Variants in TRMU observed in about 807,000 individuals in gnomAD.
TRMU encodes tRNA mitochondrial 2-thiouridylase, also known as mitochondrial tRNA-specific 2-thiouridylase 1.
A neutral mutation model predicts 46.9 loss-of-function variants in TRMU; 49 were observed. That is an observed-to-expected ratio of 1.05 (90% CI 0.83 to 1.33). TRMU has a LOEUF of 1.33. TRMU is among the 40% of genes most tolerant of loss of function. The pLI is 0.00. For synonymous variants in TRMU, 241 were observed against 200.9 expected (o/e 1.20, Z -1.69); for missense variants, 572 against 532.4 (o/e 1.07, Z -0.73).
At chr22:46,353,633 CG>C (rs2078503639) in intron 7 of TRMU, 133 bp from the exon 8 acceptor site, 1 of 781,566 alleles carries the variant, frequency 1.3e-6, no homozygotes, top group Admixed American at 1.9e-5. Context: ...GTTGGAGAAT[CG>C]TATCTTCCTA....
chr22:46,340,014 C>T (rs1569063448), intron 2 of TRMU, among the ~76,000 whole-genome samples: 1 of 151,392 alleles, frequency 6.6e-6, no homozygotes, highest in Non-Finnish European at 1.5e-5. Context: ...TCAGGAAGTG[C>T]TGTTGCTGGA....
In TRMU at chr22:46,348,317, C is replaced by T. The variant is rs1000926927; in HGVS notation, c.478+1773C>T. On this transcript the variant is annotated intron_variant, in intron 4 of 10. Transcript: ENST00000645190. This position sits in a 1 kb window ranked among gnomAD's most constrained non-coding sequence, Gnocchi z 4.8. ...GCCACGTGCCCTCGGAAACTTGGGACAGTACTGATGCGTTCTGTTGAGTGC... is the reference window on the plus strand; with the variant it reads ...GCCACGTGCCCTCGGAAACTTGGGATAGTACTGATGCGTTCTGTTGAGTGC... Among the ~76,000 whole-genome samples the T allele has an allele frequency of 6.6e-6, 1 of 152,230 alleles. No homozygotes were observed. Among genetic ancestry groups the T allele is most frequent in the Non-Finnish European group, 1.5e-5 (1 of 68,036 alleles).
At position 46,339,685 on chromosome 22, in the gene TRMU, AC is replaced by A. The variant is rs567363005; in HGVS notation, c.248+1742del. On this transcript the variant is annotated intron_variant, in intron 2 of 10. Transcript: ENST00000645190. The surrounding 1 kb of genome is among the most constrained non-coding windows in gnomAD (Gnocchi z 4.8). Reference sequence around the variant, plus strand: ...AAAAAACCATTGAAATAACAATAAAACGAAATTTAGAGAGATTAAGTAAATT... The same window carrying A: ...AAAAAACCATTGAAATAACAATAAAAGAAATTTAGAGAGATTAAGTAAATT... Among the ~76,000 whole-genome samples the A allele has an allele frequency of 2.4e-4, 37 of 152,300 alleles. No homozygotes were observed. Among genetic ancestry groups the A allele is most frequent in the African/African-American group, 8.9e-4 (37 of 41,558 alleles).
At position 46,344,277 on chromosome 22, in the gene TRMU, C is replaced by T. The variant is rs149936855; in HGVS notation, c.355+909C>T. ...TGTCTTTTGTCAGAGCCAGCACAGA[C>T]GGAGCTCACCTTGATGATCATAGAA... is the stretch of plus-strand genomic sequence containing the variant. On this transcript the variant is annotated intron_variant, in intron 3 of 10. Coordinates refer to ENST00000645190, the MANE Select transcript of TRMU (RefSeq NM_018006.5). 1.9e-3 allele frequency among the ~76,000 whole-genome samples: 295 copies of T among 152,256 alleles called. 1 individual carries two copies. The highest frequency in any genetic ancestry group is 6.5e-3 in the African/African-American group (271 of 41,542).
chr22:46,355,873 C>A (rs971335934), intron 9 of TRMU, 117 bp from the exon 10 acceptor site: 10 of 1,228,400 alleles, frequency 8.1e-6, no homozygotes, highest in African/African-American at 3.7e-5. Context: ...GTGCCCTGCC[C>A]TTCCCCTCTA....
Position 46,350,411 on chromosome 22 carries a change from T to C in TRMU, c.599T>C (p.Val200Ala), listed in dbSNP as rs1342731686. Residue 200 changes from valine to alanine, a missense_variant, in exon 5 of 11, where the codon GTA (valine) becomes GCA (alanine). Transcript: ENST00000645190. The surrounding 1 kb of genome is among the most constrained non-coding windows in gnomAD (Gnocchi z 4.6). Reference protein sequence around the residue: ...FPLGGLTKEFVKKIAAENRLH... With the variant: ...FPLGGLTKEFAKKIAAENRLH... ...CTGGGGGGATTAACGAAAGAGTTTG[T>C]AAAGAAAATCGCTGCTGAGAATAGA... is the stretch of plus-strand genomic sequence containing the variant. The C allele has an allele frequency of 6.2e-7, 1 of 1,614,100 alleles. No individual in the cohort carries two copies. The highest frequency in any genetic ancestry group is 8.5e-7 in the Non-Finnish European group (1 of 1,180,034).
Position 46,350,379 on chromosome 22 carries a change from C to T in TRMU, c.567C>T (p.Ile189=), listed in dbSNP as rs192537315. 8 of 1,614,114 alleles carry T rather than the reference C, an allele frequency of 5.0e-6. No individual in the cohort carries two copies. Among genetic ancestry groups the T allele is most frequent in the Admixed American group, 1.7e-5 (1 of 60,014 alleles). ...QVSQDALRRT[I]FPLGGLTKEF... ...CCCAGGATGCCCTGAGGAGAACCAT[C>T]TTCCCTCTGGGGGGATTAACGAAAG... is the stretch of plus-strand genomic sequence containing the variant. The change falls in exon 5 of 11, where the codon ATC becomes ATT. Residue 189 remains isoleucine (I), a synonymous_variant. Transcript: ENST00000645190. This position sits in a 1 kb window ranked among gnomAD's most constrained non-coding sequence, Gnocchi z 4.6.
Position 46,355,538 on chromosome 22 carries a change from G to A in TRMU, c.968G>A (p.Arg323Gln), listed in dbSNP as rs373437260. 2.0e-4 allele frequency: 328 copies of A among 1,613,172 alleles called. No individual in the cohort carries two copies. The highest frequency in any genetic ancestry group is 2.6e-4 in the Non-Finnish European group (308 of 1,180,026). Residue 323 changes from arginine (R) to glutamine (Q), a missense_variant, in exon 9 of 11, where the codon CGG becomes CAG. Physicochemically the swap from Arg to Gln is conservative, Grantham distance 43. Coordinates refer to ENST00000645190, the MANE Select transcript of TRMU (RefSeq NM_018006.5). ...GAGGAGCCTCCCGCAGCACTGGTCC[G>A]GGACAAGATGATGGAGTGCCACTTC... is the stretch of plus-strand genomic sequence containing the variant. ...IAEEPPAALVRDKMMECHFRF... is the reference protein window; with the variant it reads ...IAEEPPAALVQDKMMECHFRF...
At position 46,337,752 on chromosome 22, in the gene TRMU, C is replaced by T. The variant is rs1290552086; in HGVS notation, c.83-27C>T. 7 of 1,613,880 alleles carry T rather than the reference C, an allele frequency of 4.3e-6. No individual in the cohort carries two copies. The African/African-American group carries it at 9.3e-5, about 22-fold the overall frequency. On this transcript the variant is annotated intron_variant, in intron 1 of 10. Coordinates refer to ENST00000645190, the MANE Select transcript of TRMU (RefSeq NM_018006.5). ...TTTACCGAAGGTTGATTTATGTATT[C>T]TCTTTAATTGACCTTCCCGCCCGCA...
chr22:46,348,849 C>G lies in TRMU; in HGVS notation c.479-1442C>G, dbSNP rs975341614. Among the ~76,000 whole-genome samples the G allele has an allele frequency of 1.3e-5, 2 of 152,142 alleles. No individual in the cohort carries two copies. Among genetic ancestry groups the G allele is most frequent in the African/African-American group, 4.8e-5 (2 of 41,426 alleles). On this transcript the variant is annotated intron_variant, in intron 4 of 10. Coordinates refer to ENST00000645190, the MANE Select transcript of TRMU (RefSeq NM_018006.5). This position sits in a 1 kb window ranked among gnomAD's most constrained non-coding sequence, Gnocchi z 4.8. ...GTTAGTTTGGGATTGAAAGTGGACT[C>G]TGAGGCCAGGTGCGGTGGCTCATGC...
rs928089813 is a variant in TRMU, at chr22:46,336,824, C to T, written c.83-955C>T. ...GGAAAGCATCCTAGAGATGGAGGTG[C>T]TCAGCTGAGTCGAAAGAAGAGTAGG... On this transcript the variant is annotated intron_variant, in intron 1 of 10. Transcript: ENST00000645190. The surrounding 1 kb of genome is among the most constrained non-coding windows in gnomAD (Gnocchi z 4.1). 4.6e-5 allele frequency among the ~76,000 whole-genome samples: 7 copies of T among 152,012 alleles called. No individual in the cohort carries two copies. The highest frequency in any genetic ancestry group is 1.7e-4 in the African/African-American group (7 of 41,368).
At chr22:46,352,214 G>T in intron 6 of TRMU, 40 bp downstream of exon 6, 1 of 1,613,846 alleles carries the variant, frequency 6.2e-7, no homozygotes, top group Non-Finnish European at 8.5e-7. Flanking sequence ...GGGGCTGCGT[G>T]TCTGCCCTGG....
Position 46,336,521 on chromosome 22 carries a change from T to G in TRMU, c.82+675T>G, listed in dbSNP as rs9615349. On this transcript the variant is annotated intron_variant, in intron 1 of 10. Coordinates refer to ENST00000645190, the MANE Select transcript of TRMU (RefSeq NM_018006.5). The surrounding 1 kb of genome is among the most constrained non-coding windows in gnomAD (Gnocchi z 4.1). ...TCACAGAGTCACGTTTGTGGAGCTC[T>G]GCTTTGCGCCATCTTTGGCTCCTGA... 0.071 allele frequency: 10,795 copies of G among 152,478 alleles called. 535 individuals are homozygous for G. The highest frequency in any genetic ancestry group is 0.11 in the Non-Finnish European group (7,336 of 68,140). The allele number at this position is 152,478 out of a possible 1,614,324, so 9.4% of individuals were successfully genotyped here. A position where few individuals can be genotyped will look rare whatever the true frequency, so the allele number is the denominator to read the frequency against.
At chr22:46,352,020 G>A (rs917976832) in intron 5 of TRMU, 101 bp from the exon 6 acceptor site, 61 of 1,334,536 alleles carry the variant, frequency 4.6e-5, no homozygotes, top group Admixed American at 8.4e-5. Flanking sequence ...GCAAAGTGTG[G>A]GGTGAGGCCG....
intron 8 of TRMU, chr22:46,355,169 T>G: frequency 1.8e-6 from 1 of 557,630 alleles, no homozygotes; most frequent in Non-Finnish European, 3.2e-6. Flanking sequence ...ACCTGCAGCA[T>G]TCACTGTCAT....
chr22:46,343,284 A>G lies in TRMU; in HGVS notation c.271A>G (p.Lys91Glu), dbSNP rs886057610. 6.8e-6 allele frequency: 11 copies of G among 1,613,946 alleles called. No individual in the cohort carries two copies. In the Middle Eastern group the frequency reaches 6.6e-4, roughly 97 times the overall value. ...TAGTGACTTTTTGAATGAGTATGAA[A>G]AAGGAAGGACTCCCAATCCTGACAT... The part of the protein sequence containing the change: ...VFSDFLNEYE[K>E]GRTPNPDIVC... The change falls in exon 3 of 11, where the codon AAA (lysine) becomes GAA (glutamate). Residue 91 changes from lysine (K) to glutamate (E), a missense_variant. Lys to Glu is a moderately conservative substitution (Grantham distance 56). Coordinates refer to ENST00000645190, the MANE Select transcript of TRMU (RefSeq NM_018006.5).
At chr22:46,343,428 C>A in intron 3 of TRMU, 60 bp downstream of exon 3, 1 of 1,288,348 alleles carries the variant, frequency 7.8e-7, no homozygotes, top group Non-Finnish European at 1.1e-6. Context: ...CTCTGTCACC[C>A]AGGCTGGATT....
At position 46,346,429 on chromosome 22, in the gene TRMU, T is replaced by C; in HGVS notation, c.363T>C (p.Asp121=). 1 of 1,613,042 alleles carries C rather than the reference T, an allele frequency of 6.2e-7. No homozygotes were observed. The highest frequency in any genetic ancestry group is 1.1e-5 in the South Asian group (1 of 91,014). Residue 121 remains aspartate (D), a synonymous_variant, in exon 4 of 11, where the codon GAT becomes GAC. Coordinates refer to ENST00000645190, the MANE Select transcript of TRMU (RefSeq NM_018006.5). Reference sequence around the variant, plus strand: ...GTTCTAAAAACCTCACAGGGGCAGATGCCATTGCCACAGGTCACTATGCAA... The same window carrying C: ...GTTCTAAAAACCTCACAGGGGCAGACGCCATTGCCACAGGTCACTATGCAA... ...FHYAVDNLGA[D]AIATGHYART...
intron 2 of TRMU, among the ~76,000 whole-genome samples, chr22:46,341,629 CT>C (rs2078125605): frequency 6.6e-6 from 1 of 152,054 alleles, no homozygotes; most frequent in Admixed American, 6.6e-5. Flanking sequence ...AAAAAAATCA[CT>C]TATACCAAAA....
Sources: gnomAD v4.1 joint callset for allele counts (sites outside exome capture counted in the v4.1 genomes callset) on GRCh38, gnomAD v4.1.1 for gene constraint, Gnocchi (gnomAD v3.1) non-coding constraint, MANE v1.5 for transcripts, NCBI Gene and HGNC (gene_info 2026-07-23, HGNC 2026-07-21) for gene names.